The following STK33 variants were observed in gnomAD, a reference collection of about 807,000 sequenced individuals.
The protein encoded by STK33 is serine/threonine kinase 33, also known as serine/threonine-protein kinase 33.
STK33 carries 52 observed loss-of-function variants against 58.0 expected under a neutral mutation model. That is an observed-to-expected ratio of 0.90 (90% CI 0.72 to 1.13). STK33 has a LOEUF of 1.13. Ranked by LOEUF, STK33 falls within the 50% of genes most tolerant of loss-of-function variation. The pLI is 0.00. For missense variants in STK33, 630 were observed against 604.2 expected (o/e 1.04, Z -0.45); for synonymous variants, 215 against 200.1 (o/e 1.07, Z -0.63).
the STK33 span, among the ~76,000 whole-genome samples, chr11:8,363,265 T>C: frequency 1.6e-4 from 24 of 152,210 alleles, no homozygotes; most frequent in African/African-American, 5.8e-4. Context: ...AAGATGGAGC[T>C]GCACAAAATT....
intron 15 of STK33, among the ~76,000 whole-genome samples, chr11:8,394,845 G>C (rs1402179576): frequency 6.6e-6 from 1 of 152,116 alleles, no homozygotes; most frequent in Non-Finnish European, 1.5e-5. Flanking sequence ...ATAAGAAAAT[G>C]ATTTTCCTCA....
intron 1 of STK33, among the ~76,000 whole-genome samples, chr11:8,516,519 G>A (rs11041956): frequency 0.088 from 13,411 of 152,184 alleles, 1,348 homozygotes; most frequent in African/African-American, 0.25. Flanking sequence ...TGCAGCCCAC[G>A]GAGCAGGATG....
chr11:8,550,319 T>G (rs1956220371), intron 1 of STK33, among the ~76,000 whole-genome samples: 2 of 152,138 alleles, frequency 1.3e-5, no homozygotes, highest in Admixed American at 1.3e-4. Flanking sequence ...TCTGCTCTGA[T>G]CTTTATTATT....
intron 11 of STK33, among the ~76,000 whole-genome samples, chr11:8,448,602 C>T (rs1945836182): frequency 1.3e-5 from 2 of 152,254 alleles, no homozygotes; most frequent in African/African-American, 4.8e-5. Flanking sequence ...GAAACTGGAT[C>T]CCTTCCTTAC....
At chr11:8,530,685 T>C (rs1954460394) in intron 1 of STK33, among the ~76,000 whole-genome samples, 1 of 152,156 alleles carries the variant, frequency 6.6e-6, no homozygotes, top group African/African-American at 2.4e-5. Flanking sequence ...AAAGCATTTC[T>C]CTTTTATTTT....
At chr11:8,338,773 AGTCT>A in the STK33 span, among the ~76,000 whole-genome samples, 2 of 152,188 alleles carry the variant, frequency 1.3e-5, no homozygotes, top group Non-Finnish European at 2.9e-5. Flanking sequence ...TTCTTCTGTC[AGTCT>A]GACAGTCAAT....
intron 1 of STK33, among the ~76,000 whole-genome samples, chr11:8,528,746 C>T (rs1954265480): frequency 6.6e-6 from 1 of 152,180 alleles, no homozygotes; most frequent in Admixed American, 6.6e-5. Flanking sequence ...CGCTTTTCAC[C>T]TCAAAGCTTT....
the STK33 span, among the ~76,000 whole-genome samples, chr11:8,372,265 A>G: frequency 6.6e-6 from 1 of 151,514 alleles, no homozygotes; most frequent in Non-Finnish European, 1.5e-5. Flanking sequence ...GCCAAGTTCT[A>G]TGAACACCAA....
intron 15 of STK33, among the ~76,000 whole-genome samples, chr11:8,396,924 C>T (rs764979277): frequency 2.0e-5 from 3 of 152,212 alleles, no homozygotes; most frequent in Non-Finnish European, 4.4e-5. Flanking sequence ...GAGGGGCGCC[C>T]GCCATTGCCG....
intron 1 of STK33, among the ~76,000 whole-genome samples, chr11:8,499,832 ACAC>A (rs1226135410): frequency 2.0e-5 from 3 of 152,038 alleles, no homozygotes; most frequent in Non-Finnish European, 4.4e-5. Flanking sequence ...AGAAAACCAA[ACAC>A]CACATGTTCT....
chr11:8,342,129 G>A, the STK33 span, among the ~76,000 whole-genome samples: 6 of 152,172 alleles, frequency 3.9e-5, no homozygotes, highest in African/African-American at 1.4e-4. Flanking sequence ...TAAAAAGGCT[G>A]GACACCTTGC....
the STK33 span, among the ~76,000 whole-genome samples, chr11:8,361,255 C>T: frequency 6.6e-6 from 1 of 152,148 alleles, no homozygotes. This position sits in a 1 kb window ranked among gnomAD's most constrained non-coding sequence, Gnocchi z 4.8. Flanking sequence ...TCTGTCACTT[C>T]CTTCTTCCCA....
intron 1 of STK33, among the ~76,000 whole-genome samples, chr11:8,487,608 C>A (rs1196929586): frequency 6.6e-6 from 1 of 151,876 alleles, no homozygotes; most frequent in African/African-American, 2.4e-5. Flanking sequence ...CTTCAGTGGA[C>A]TGAAGAATGG....
the STK33 span, among the ~76,000 whole-genome samples, chr11:8,371,306 G>T: frequency 2.6e-5 from 4 of 152,106 alleles, no homozygotes; most frequent in African/African-American, 9.7e-5. Flanking sequence ...GAGACAGCAA[G>T]GAAGGCTGTG....
At chr11:8,341,962 G>A in the STK33 span, among the ~76,000 whole-genome samples, 1 of 152,206 alleles carries the variant, frequency 6.6e-6, no homozygotes, top group East Asian at 1.9e-4. Context: ...GAGAAAGTGA[G>A]GCATTTATTG....
At chr11:8,383,751 C>T in the STK33 span, among the ~76,000 whole-genome samples, 2 of 152,170 alleles carry the variant, frequency 1.3e-5, no homozygotes, top group Non-Finnish European at 2.9e-5. Flanking sequence ...TTCTTCTTGC[C>T]AAAATACAGT....
intron 1 of STK33, among the ~76,000 whole-genome samples, chr11:8,498,121 T>C (rs1420869909): frequency 6.6e-6 from 1 of 152,042 alleles, no homozygotes. Context: ...ATACAATAAA[T>C]GGTAAAATAA....
At chr11:8,415,244 A>C (rs1354708375) in intron 14 of STK33, among the ~76,000 whole-genome samples, 1 of 152,148 alleles carries the variant, frequency 6.6e-6, no homozygotes, top group Admixed American at 6.6e-5. Flanking sequence ...ACCAGTTCTC[A>C]GTGGCTCCTC....
chr11:8,478,567 T>C (rs948101666), intron 2 of STK33, among the ~76,000 whole-genome samples: 1 of 152,190 alleles, frequency 6.6e-6, no homozygotes, highest in African/African-American at 2.4e-5. Flanking sequence ...ATATTGGCCC[T>C]AGAAGATACA....
Sources: allele counts gnomAD v4.1 joint callset (sites outside exome capture counted in the v4.1 genomes callset), GRCh38; gene constraint gnomAD v4.1.1; non-coding constraint Gnocchi (gnomAD v3.1); transcripts MANE v1.5; gene names NCBI Gene and HGNC (gene_info 2026-07-23, HGNC 2026-07-21).